The following CFAP119 variants were observed in gnomAD, a reference collection of about 807,000 sequenced individuals.
CFAP119 encodes cilia and flagella associated protein 119.
chr16:30,760,144 T>C, the CFAP119 span: 1 of 1,570,426 alleles, frequency 6.4e-7, no homozygotes, highest in Non-Finnish European at 8.6e-7. Flanking sequence ...ATTGGAAAGC[T>C]GATGGCTTGT....
Sources: allele counts gnomAD v4.1 joint callset, GRCh38; gene constraint gnomAD v4.1.1; transcripts MANE v1.5; gene names NCBI Gene and HGNC (gene_info 2026-07-23, HGNC 2026-07-21).